SSUH2: variants seen among roughly 807,000 people sequenced by gnomAD.
The protein encoded by SSUH2 is ssu-2 homolog.
Under a neutral mutation model 55.3 loss-of-function variants are expected in SSUH2, and 47 were observed. That is an observed-to-expected ratio of 0.85 (90% CI 0.67 to 1.08). The LOEUF (loss-of-function observed/expected upper bound fraction) is 1.08, where lower values mean the gene tolerates loss of function less well. Among genes scored for constraint, SSUH2 ranks in the 50% least tolerant of loss-of-function variants. The probability of loss-of-function intolerance (pLI) is 0.00; values close to 1 mark genes in which losing one functional copy is unlikely to be tolerated. For synonymous variants in SSUH2, 212 were observed against 191.5 expected, an observed-to-expected ratio of 1.11 and a Z score of -0.89; for missense variants, 535 against 490.7, an observed-to-expected ratio of 1.09 and a Z score of -0.85.
At chr3:8,660,806 A>T (rs1402453652) in intron 6 of SSUH2, among the ~76,000 whole-genome samples, 1 of 152,228 alleles carries the variant, frequency 6.6e-6, no homozygotes, top group Non-Finnish European at 1.5e-5. Flanking sequence ...TCTTTGTTCA[A>T]TGCTCAGCTT....
intron 3 of SSUH2, 183 bp from the exon 4 acceptor site, chr3:8,633,978 AG>A: frequency 6.2e-7 from 1 of 1,605,642 alleles, no homozygotes; most frequent in Admixed American, 1.7e-5. Flanking sequence ...GCCCAGCGTG[AG>A]AACGGGGCAG....
intron 1 of SSUH2, among the ~76,000 whole-genome samples, chr3:8,637,927 A>G (rs966300834): frequency 1.1e-4 from 16 of 152,220 alleles, no homozygotes; most frequent in African/African-American, 3.9e-4. Flanking sequence ...AGTAAAAATA[A>G]TATACCCTGT....
At chr3:8,678,898 A>AT (rs1398697307) in intron 2 of SSUH2, among the ~76,000 whole-genome samples, 6 of 99,066 alleles carry the variant, frequency 6.1e-5, no homozygotes, top group Admixed American at 2.0e-4. Flanking sequence ...CAAGGGAGGG[A>AT]GGCACCCCCC....
In SSUH2 at chr3:8,629,690, A is replaced by C. The variant is rs544405168; in HGVS notation, c.562T>G (p.Cys188Gly). Residue 188 changes from cysteine to glycine, a missense_variant, in exon 7 of 12, where the codon TGC (cysteine) becomes GGC (glycine). Cys to Gly is a radical substitution (Grantham distance 159). Coordinates refer to ENST00000544814, the MANE Select transcript of SSUH2 (RefSeq NM_001256748.3). ...HKCHGRGRYK[C>G]SGCHGAGTVR... ...GTGCCCGCCCCGTGGCAGCCGCTGC[A>C]CTTGTACCGCCCACGCCCATGGCAT... is the stretch of plus-strand genomic sequence containing the variant. 7.4e-7 allele frequency: 1 copy of C among 1,347,272 alleles called. No homozygotes were observed. The highest frequency in any genetic ancestry group is 2.5e-5 in the East Asian group (1 of 40,220). The allele number at this position is 1,347,272 out of a possible 1,614,324, so 83.5% of individuals were successfully genotyped here.
intron 3 of SSUH2, among the ~76,000 whole-genome samples, chr3:8,674,071 A>T (rs1024516208): frequency 6.6e-6 from 1 of 152,254 alleles, no homozygotes; most frequent in Non-Finnish European, 1.5e-5. Context: ...ATACATCACA[A>T]TGATGAGAAA....
chr3:8,628,490 T>C (rs1698064862), intron 7 of SSUH2, among the ~76,000 whole-genome samples: 1 of 152,192 alleles, frequency 6.6e-6, no homozygotes, highest in South Asian at 2.1e-4. Flanking sequence ...CCTTCCAAGT[T>C]CAAGTTTACT....
At chr3:8,620,472 T>C (rs1696194491) in intron 11 of SSUH2, among the ~76,000 whole-genome samples, 1 of 152,202 alleles carries the variant, frequency 6.6e-6, no homozygotes, top group African/African-American at 2.4e-5. Context: ...AGATATGTCT[T>C]CATTAGCAGC....
At position 8,657,013 on chromosome 3, in the gene SSUH2, T is replaced by C. The variant is rs920290211; in HGVS notation, c.-307+1912A>G. On this transcript the variant is annotated intron_variant, in intron 7 of 18. Coordinates refer to the SSUH2 transcript ENST00000317371. ...CTCTTGCCTCAGCCTCCTGAGTAGC[T>C]GGGACTACAGGCATGCACCATCACA... Among the ~76,000 whole-genome samples, 3 of 152,180 alleles carry C rather than the reference T, an allele frequency of 2.0e-5. No individual in the cohort carries two copies. The South Asian group carries it at 6.2e-4, about 32-fold the overall frequency.
rs773994139 is a variant in SSUH2, at chr3:8,635,837, C to G, written c.49G>C (p.Glu17Gln). Reference protein sequence around the residue: ...EDDSVVDLSFEAESPLAPPTE... With the variant: ...EDDSVVDLSFQAESPLAPPTE... Reference sequence around the variant, plus strand: ...GGGGGCGCCAGAGGACTCTCGGCCTCAAAACTGAGGTCCACCACACCTGCA... The same window carrying G: ...GGGGGCGCCAGAGGACTCTCGGCCTGAAAACTGAGGTCCACCACACCTGCA... Residue 17 changes from glutamate (E) to glutamine (Q), a missense_variant, in exon 2 of 12, where the codon GAG (glutamate) becomes CAG (glutamine). Coordinates refer to ENST00000544814, the MANE Select transcript of SSUH2 (RefSeq NM_001256748.3). 1.3e-6 allele frequency: 2 copies of G among 1,535,872 alleles called. No homozygotes were observed. Among genetic ancestry groups the G allele is most frequent in the Non-Finnish European group, 1.7e-6 (2 of 1,146,854 alleles).
intron 1 of SSUH2, among the ~76,000 whole-genome samples, chr3:8,643,054 G>A (rs769876354): frequency 2.6e-5 from 4 of 152,116 alleles, no homozygotes; most frequent in African/African-American, 4.8e-5. Context: ...CAAAAGGCAT[G>A]AGGTCAAAAC....
At chr3:8,644,614 AG>A in intron 1 of SSUH2, 116 bp downstream of exon 1, 2 of 923,844 alleles carry the variant, frequency 2.2e-6, no homozygotes, top group South Asian at 2.8e-5. Flanking sequence ...AGAGCTTATT[AG>A]AAAAGACTAT....
chr3:8,625,284 G>T (rs1231957068), intron 10 of SSUH2, among the ~76,000 whole-genome samples: 7 of 152,006 alleles, frequency 4.6e-5, no homozygotes, highest in Non-Finnish European at 8.8e-5. Flanking sequence ...AGGGAGGGAG[G>T]GAAAGAGAGA....
chr3:8,628,379 AC>A (rs989303320), intron 7 of SSUH2, among the ~76,000 whole-genome samples: 3 of 151,982 alleles, frequency 2.0e-5, no homozygotes, highest in African/African-American at 7.3e-5. Context: ...GTTTGGTTTT[AC>A]CCCCTGGGAT....
intron 1 of SSUH2, among the ~76,000 whole-genome samples, chr3:8,641,911 C>T (rs1202909855): frequency 1.3e-5 from 2 of 151,914 alleles, no homozygotes; most frequent in Non-Finnish European, 2.9e-5. Flanking sequence ...GCCTGGGTAC[C>T]AAGGGAGAGT....
chr3:8,671,133 G>A (rs369983013), exon 5 of SSUH2: 5 of 208,166 alleles, frequency 2.4e-5, no homozygotes, highest in African/African-American at 1.1e-4. Context: ...CACGTCCTGT[G>A]ACATTAGCAG....
intron 7 of SSUH2, among the ~76,000 whole-genome samples, chr3:8,653,645 T>C (rs1045852548): frequency 5.3e-5 from 8 of 152,218 alleles, no homozygotes; most frequent in Non-Finnish European, 1.2e-4. Context: ...AACATAGAAA[T>C]AACTAAAATA....
chr3:8,634,434 G>T (rs1186514682), intron 3 of SSUH2: 5 of 1,290,224 alleles, frequency 3.9e-6, no homozygotes, highest in Non-Finnish European at 5.1e-6. Flanking sequence ...CAAGAGGAAA[G>T]AATCCTCCTT....
rs558381574 is a variant in SSUH2, at chr3:8,668,043, A to T, written c.-455+2955T>A. On this transcript the variant is annotated intron_variant, in intron 5 of 18. Coordinates refer to the SSUH2 transcript ENST00000317371. The stretch of plus-strand genomic sequence containing the variant: ...TTACAGAAATTAATTTTCAATTTTT[A>T]AAAAAAATTAAATTAACTAATTAAA... Among the ~76,000 whole-genome samples, 153 of 152,206 alleles carry T rather than the reference A, an allele frequency of 1.0e-3. 1 individual carries two copies. Among genetic ancestry groups the T allele is most frequent in the African/African-American group, 3.1e-3 (128 of 41,512 alleles).
rs56409050 is a variant in SSUH2 at position 8,678,638 on chromosome 3, C to T, written c.-901+1067G>A. The stretch of plus-strand genomic sequence containing the variant: ...TCTTCCCCCCCGGCTTTTGGGACCC[C>T]CATCGCAGTGGGGGGAGGCACCCCC... On this transcript the variant is annotated intron_variant, in intron 2 of 18. Transcript: ENST00000317371. 2.1e-3 allele frequency among the ~76,000 whole-genome samples: 134 copies of T among 63,986 alleles called. 13 individuals are homozygous for T. The highest frequency in any genetic ancestry group is 3.9e-3 in the Non-Finnish European group (115 of 29,634). The allele number at this position is 63,986 out of a possible 152,430, so 42.0% of individuals were successfully genotyped here. A position where few individuals can be genotyped will look rare whatever the true frequency, so the allele number is the denominator to read the frequency against.
Sources: allele counts gnomAD v4.1 joint callset (sites outside exome capture counted in the v4.1 genomes callset), GRCh38; gene constraint gnomAD v4.1.1; transcripts MANE v1.5; gene names NCBI Gene and HGNC (gene_info 2026-07-23, HGNC 2026-07-21).